The following ORC5 variants were observed in gnomAD, a reference collection of about 807,000 sequenced individuals.
ORC5 encodes origin recognition complex subunit 5.
Under a neutral mutation model 58.8 loss-of-function variants are expected in ORC5, and 39 were observed. The observed-to-expected ratio is 0.66, with a 90% CI of 0.51 to 0.87. ORC5 has a LOEUF of 0.87. Ranked by LOEUF, ORC5 falls within the 40% of genes least tolerant of loss-of-function variation. ORC5 has a pLI of 0.00. For synonymous variants in ORC5, 218 were observed against 177.6 expected (o/e 1.23, Z -1.81); for missense variants, 493 against 506.3 (o/e 0.97, Z 0.25).
intron 8 of ORC5, among the ~76,000 whole-genome samples, chr7:104,171,614 AACT>A (rs141053857): frequency 0.03 from 4,497 of 152,156 alleles, 196 homozygotes; most frequent in African/African-American, 0.1. Context: ...CTTCTGAATC[AACT>A]ACTTGTCTCT....
chr7:104,203,390 A>C (rs544674723), intron 2 of ORC5, among the ~76,000 whole-genome samples: 2 of 152,344 alleles, frequency 1.3e-5, no homozygotes, highest in East Asian at 3.9e-4. Context: ...GTGGTCCACA[A>C]GCACAAAATG....
chr7:104,206,252 T>C (rs1800080324), intron 1 of ORC5, among the ~76,000 whole-genome samples: 1 of 152,218 alleles, frequency 6.6e-6, no homozygotes. Flanking sequence ...ATTGAACAAA[T>C]AAATGAGTAT....
chr7:104,167,531 A>G (rs1030556249), intron 9 of ORC5, among the ~76,000 whole-genome samples: 1 of 152,148 alleles, frequency 6.6e-6, no homozygotes, highest in African/African-American at 2.4e-5. Context: ...GCTATGTCTA[A>G]TGTTTTTTTG....
chr7:104,168,000 T>A (rs17159723), intron 9 of ORC5: 6,782 of 154,514 alleles, frequency 0.044, 501 homozygotes, highest in African/African-American at 0.15. Flanking sequence ...CTCATTTTTT[T>A]AAGTAAAATT....
rs576023266 is a variant in ORC5, at chr7:104,140,839, C to G, written c.1150-3946G>C. Among the ~76,000 whole-genome samples the G allele has an allele frequency of 2.0e-5, 3 of 152,272 alleles. No individual in the cohort carries two copies. In the East Asian group the frequency reaches 5.8e-4, roughly 29 times the overall value. ...CTTATTAAGGTATCTACATAATATC[C>G]TACATTTTGCCTTTTAGCCTGCAAA... is the stretch of plus-strand genomic sequence containing the variant. On this transcript the variant is annotated intron_variant, in intron 12 of 13. Coordinates refer to ENST00000297431, the MANE Select transcript of ORC5 (RefSeq NM_002553.4).
In ORC5 at chr7:104,126,826, C is replaced by T. The variant is rs776660982; in HGVS notation, c.*22G>A. On this transcript the variant is annotated 3_prime_UTR_variant, in exon 14 of 14. Coordinates refer to ENST00000297431, the MANE Select transcript of ORC5 (RefSeq NM_002553.4). ...TTGGCTTAGTCATTGTCACAGTGTC[C>T]ATATGGCTTTGAAGCTTGTTTTCAC... The T allele has an allele frequency of 1.9e-6, 3 of 1,582,804 alleles. No homozygotes were observed. The highest frequency in any genetic ancestry group is 1.4e-5 in the African/African-American group (1 of 73,990).
At chr7:104,162,076 C>T (rs6979695) in intron 11 of ORC5, among the ~76,000 whole-genome samples, 94,435 of 152,120 alleles carry the variant, frequency 0.62, 31,355 homozygotes, top group Non-Finnish European at 0.76. Context: ...AAAATGTTCA[C>T]ACTTGTATAC....
intron 8 of ORC5, among the ~76,000 whole-genome samples, chr7:104,179,551 C>G (rs1799392774): frequency 6.7e-6 from 1 of 149,546 alleles, no homozygotes. Context: ...TTTTTTTTTT[C>G]CTAAGTATTG....
intron 12 of ORC5, among the ~76,000 whole-genome samples, chr7:104,143,666 A>C: frequency 6.6e-6 from 1 of 152,162 alleles, no homozygotes; most frequent in East Asian, 1.9e-4. Context: ...AAAGCAATTA[A>C]ATTAGAATGT....
intron 8 of ORC5, among the ~76,000 whole-genome samples, chr7:104,173,848 T>C (rs1799263762): frequency 7.0e-6 from 1 of 143,040 alleles, no homozygotes; most frequent in Non-Finnish European, 1.6e-5. Flanking sequence ...ATTTTTTCTT[T>C]TTTTTTTTTT....
At chr7:104,204,473 ATTTATATT>A (rs1476369931) in intron 1 of ORC5, among the ~76,000 whole-genome samples, 1 of 152,174 alleles carries the variant, frequency 6.6e-6, no homozygotes, top group Non-Finnish European at 1.5e-5. Flanking sequence ...TGTACTATAT[ATTTATATT>A]TTTATTATCG....
chr7:104,182,850 A>C (rs1373467418), intron 8 of ORC5, among the ~76,000 whole-genome samples: 1 of 152,134 alleles, frequency 6.6e-6, no homozygotes, highest in Non-Finnish European at 1.5e-5. Context: ...AAATTTCTGC[A>C]GTGACCGGGT....
At chr7:104,152,753 T>C (rs904571377) in intron 12 of ORC5, among the ~76,000 whole-genome samples, 1 of 152,208 alleles carries the variant, frequency 6.6e-6, no homozygotes, top group Admixed American at 6.5e-5. Flanking sequence ...ATACATTTAG[T>C]AAACTTATTG....
chr7:104,154,602 T>C (rs966255100), intron 12 of ORC5, among the ~76,000 whole-genome samples: 1 of 151,892 alleles, frequency 6.6e-6, no homozygotes, highest in Admixed American at 6.6e-5. Flanking sequence ...ATTCTCTTTA[T>C]CCAAGACAAT....
intron 12 of ORC5, among the ~76,000 whole-genome samples, chr7:104,149,064 T>TG (rs1798805669): frequency 6.6e-6 from 1 of 150,808 alleles, no homozygotes; most frequent in Non-Finnish European, 1.5e-5. Flanking sequence ...AATTTAAGGT[T>TG]GGGGGAAAGC....
intron 12 of ORC5, among the ~76,000 whole-genome samples, chr7:104,157,821 T>C (rs754519188): frequency 4.6e-5 from 7 of 152,116 alleles, no homozygotes; most frequent in Non-Finnish European, 8.8e-5. Context: ...ATGATGCTAC[T>C]ATTACAATCA....
At chr7:104,164,005 T>C (rs1400487574) in intron 11 of ORC5, among the ~76,000 whole-genome samples, 2 of 152,254 alleles carry the variant, frequency 1.3e-5, no homozygotes, top group East Asian at 1.9e-4. Context: ...CTCTCATTAG[T>C]GAATAAGGCT....
intron 12 of ORC5, among the ~76,000 whole-genome samples, chr7:104,156,572 G>T (rs1225192242): frequency 6.6e-6 from 1 of 151,632 alleles, no homozygotes; most frequent in East Asian, 1.9e-4. Flanking sequence ...GGAGAATTCT[G>T]AATGTCTATA....
At chr7:104,207,065 G>A (rs1800105860) in intron 1 of ORC5, among the ~76,000 whole-genome samples, 1 of 152,200 alleles carries the variant, frequency 6.6e-6, no homozygotes, top group African/African-American at 2.4e-5. Context: ...ACCAGAAGAT[G>A]GGGGTATGAG....
Sources: gnomAD v4.1 joint callset for allele counts (sites outside exome capture counted in the v4.1 genomes callset) on GRCh38, gnomAD v4.1.1 for gene constraint, MANE v1.5 for transcripts, NCBI Gene and HGNC (gene_info 2026-07-23, HGNC 2026-07-21) for gene names.